SEMA6D: variants seen among roughly 807,000 people sequenced by gnomAD.
The protein encoded by SEMA6D is semaphorin-6D.
In SEMA6D, 35 loss-of-function variants were observed where a neutral mutation model predicts 106.6. That is an observed-to-expected ratio of 0.33 (90% CI 0.25 to 0.44). The LOEUF (loss-of-function observed/expected upper bound fraction) is 0.44, where lower values mean the gene tolerates loss of function less well. SEMA6D is among the 20% of genes least tolerant of loss of function. The pLI, the probability that SEMA6D is intolerant of heterozygous loss-of-function variation, is 1.00. For synonymous variants in SEMA6D, 499 were observed against 487.7 expected, an observed-to-expected ratio of 1.02 and a Z score of -0.31; for missense variants, 1,185 against 1,345.9, an observed-to-expected ratio of 0.88 and a Z score of 1.87.
intron 1 of SEMA6D, among the ~76,000 whole-genome samples, chr15:47,366,057 C>T (rs1225241121): frequency 6.6e-6 from 1 of 152,160 alleles, no homozygotes; most frequent in Non-Finnish European, 1.5e-5. Context: ...GAACTGACCT[C>T]CTTTTTTACA....
chr15:47,599,095 A>G (rs948225001), intron 3 of SEMA6D, among the ~76,000 whole-genome samples: 16 of 152,132 alleles, frequency 1.1e-4, no homozygotes, highest in Non-Finnish European at 5.9e-5. Context: ...TGCAGATTTC[A>G]TAGAGCAGGC....
intron 3 of SEMA6D, among the ~76,000 whole-genome samples, chr15:47,573,812 A>G (rs951232518): frequency 7.2e-5 from 11 of 152,216 alleles, no homozygotes; most frequent in African/African-American, 2.7e-4. Flanking sequence ...CATCTGTCCC[A>G]GCTATCAACA....
intron 2 of SEMA6D, among the ~76,000 whole-genome samples, chr15:47,463,040 T>TA (rs900145888): frequency 7.9e-5 from 12 of 151,924 alleles, no homozygotes; most frequent in Non-Finnish European, 1.3e-4. Context: ...AAGGACTTTT[T>TA]AAAAAAAATG....
At chr15:47,268,099 C>T (rs368678400) in intron 1 of SEMA6D, among the ~76,000 whole-genome samples, 2 of 152,056 alleles carry the variant, frequency 1.3e-5, no homozygotes, top group Non-Finnish European at 2.9e-5. Context: ...GGCAGTTTAA[C>T]GAGGTCCCCA....
chr15:47,186,553 A>G (rs911594865), intron 1 of SEMA6D, among the ~76,000 whole-genome samples: 2 of 149,524 alleles, frequency 1.3e-5, no homozygotes, highest in Non-Finnish European at 3.0e-5. Flanking sequence ...CTTAAAAACT[A>G]TTATATTTTC....
intron 1 of SEMA6D, among the ~76,000 whole-genome samples, chr15:47,342,380 C>T (rs1201176606): frequency 2.0e-5 from 3 of 152,166 alleles, no homozygotes; most frequent in Non-Finnish European, 4.4e-5. Context: ...GTAACAACTG[C>T]TAATCAGCTA....
At chr15:47,248,073 T>C (rs1332420038) in intron 1 of SEMA6D, among the ~76,000 whole-genome samples, 1 of 152,162 alleles carries the variant, frequency 6.6e-6, no homozygotes, top group Non-Finnish European at 1.5e-5. Flanking sequence ...ACCTTATAAA[T>C]ACATGGTAGT....
At chr15:47,446,304 A>G (rs2042026649) in intron 2 of SEMA6D, among the ~76,000 whole-genome samples, 1 of 152,176 alleles carries the variant, frequency 6.6e-6, no homozygotes, top group Non-Finnish European at 1.5e-5. Flanking sequence ...GGGGGAAGCC[A>G]GCGCATACCA....
chr15:47,413,231 A>G (rs1444700019), intron 2 of SEMA6D, among the ~76,000 whole-genome samples: 1 of 152,224 alleles, frequency 6.6e-6, no homozygotes, highest in Non-Finnish European at 1.5e-5. Flanking sequence ...TACATTCTTA[A>G]TAAAAGAGAG....
intron 3 of SEMA6D, among the ~76,000 whole-genome samples, chr15:47,583,396 G>A (rs2076285614): frequency 6.6e-6 from 1 of 152,164 alleles, no homozygotes; most frequent in African/African-American, 2.4e-5. Flanking sequence ...AGAGCAAGGG[G>A]CATCTTCTGC....
intron 1 of SEMA6D, among the ~76,000 whole-genome samples, chr15:47,224,173 A>G (rs530070727): frequency 6.6e-6 from 1 of 151,782 alleles, no homozygotes; most frequent in African/African-American, 2.4e-5. Context: ...AAGAAAAAAA[A>G]ATAATAAAAT....
At chr15:47,559,217 CTT>C (rs1421715682) in intron 3 of SEMA6D, among the ~76,000 whole-genome samples, 1 of 152,132 alleles carries the variant, frequency 6.6e-6, no homozygotes, top group East Asian at 1.9e-4. Flanking sequence ...GAAAAAAAGT[CTT>C]AAAGTGTTTC....
chr15:47,353,574 C>G (rs1042367803), intron 1 of SEMA6D, among the ~76,000 whole-genome samples: 2 of 152,128 alleles, frequency 1.3e-5, no homozygotes, highest in Non-Finnish European at 2.9e-5. Context: ...ACCTCCTCAT[C>G]CTCTAAACTT....
At chr15:47,322,728 T>C (rs553503228) in intron 1 of SEMA6D, among the ~76,000 whole-genome samples, 1 of 152,312 alleles carries the variant, frequency 6.6e-6, no homozygotes, top group South Asian at 2.1e-4. Context: ...ACATCCTATT[T>C]CTCCTCAAAA....
In SEMA6D at chr15:47,252,234, G is replaced by A. The variant is rs574701082; in HGVS notation, c.-239+67816G>A. On this transcript the variant is annotated intron_variant, in intron 1 of 19. Transcript: ENST00000558014. The stretch of plus-strand genomic sequence containing the variant: ...TTTAAAAAAATTATTATTGAGTGTT[G>A]CGATTTCTTCATTTTAATTTTAATT... Among the ~76,000 whole-genome samples the A allele has an allele frequency of 2.0e-5, 3 of 152,194 alleles. No individual in the cohort carries two copies. In the East Asian group the frequency reaches 5.8e-4, roughly 29 times the overall value.
chr15:47,332,445 A>T (rs575039276), intron 1 of SEMA6D, among the ~76,000 whole-genome samples: 2 of 152,274 alleles, frequency 1.3e-5, no homozygotes, highest in South Asian at 4.1e-4. Context: ...GTTTTCACCT[A>T]ATTGTCTGTT....
intron 4 of SEMA6D, among the ~76,000 whole-genome samples, chr15:47,638,671 G>A (rs1240087838): frequency 6.6e-6 from 1 of 152,172 alleles, no homozygotes; most frequent in Non-Finnish European, 1.5e-5. Context: ...ATTAAAATCT[G>A]CTAAATACAA....
intron 3 of SEMA6D, among the ~76,000 whole-genome samples, chr15:47,591,204 C>T (rs2076432457): frequency 6.6e-6 from 1 of 152,092 alleles, no homozygotes; most frequent in Non-Finnish European, 1.5e-5. Context: ...CTAACAGACT[C>T]CCTCTTGTTC....
At chr15:47,637,462 A>T (rs1484411853) in intron 4 of SEMA6D, among the ~76,000 whole-genome samples, 1 of 152,138 alleles carries the variant, frequency 6.6e-6, no homozygotes, top group Non-Finnish European at 1.5e-5. Flanking sequence ...GATAGAGGAT[A>T]CACTTTTTTT....
Sources: gnomAD v4.1 joint callset for allele counts (sites outside exome capture counted in the v4.1 genomes callset) on GRCh38, gnomAD v4.1.1 for gene constraint, MANE v1.5 for transcripts, NCBI Gene and HGNC (gene_info 2026-07-23, HGNC 2026-07-21) for gene names.